Variants in CSMD1 observed in about 807,000 individuals in gnomAD.
CSMD1 encodes the protein CUB and Sushi multiple domains 1, also known as CUB and sushi domain-containing protein 1.
In CSMD1, 213 loss-of-function variants were observed where a neutral mutation model predicts 417.5. The ratio of observed to expected loss-of-function variants is 0.51; its 90% CI spans 0.46 to 0.57. CSMD1 has a LOEUF of 0.57. Ranked by LOEUF, CSMD1 falls within the 20% of genes least tolerant of loss-of-function variation. CSMD1 has a pLI of 0.00. For missense variants in CSMD1, 6,923 were observed against 4,529.7 expected (o/e 1.53, Z -15.17); for synonymous variants, 2,862 against 1,736.8 (o/e 1.65, Z -16.11).
At chr8:3,451,232 T>C (rs1302277443) in intron 12 of CSMD1, among the ~76,000 whole-genome samples, 1 of 152,228 alleles carries the variant, frequency 6.6e-6, no homozygotes, top group Non-Finnish European at 1.5e-5. Flanking sequence ...GTCAGATGAG[T>C]ACATTGCAAA....
chr8:4,940,431 T>C (rs1290768570), intron 1 of CSMD1, among the ~76,000 whole-genome samples: 1 of 152,238 alleles, frequency 6.6e-6, no homozygotes, highest in Non-Finnish European at 1.5e-5. Context: ...ATATGTACTT[T>C]GATTCTCTTT....
In CSMD1 at chr8:4,479,975, A is replaced by AT. The variant is rs200922886; in HGVS notation, c.303-59911_303-59910insA. 4.1e-3 allele frequency among the ~76,000 whole-genome samples: 625 copies of AT among 151,312 alleles called. 4 individuals carry two copies. Among genetic ancestry groups the AT allele is most frequent in the African/African-American group, 0.014 (588 of 41,114 alleles). On this transcript the variant is annotated intron_variant, in intron 2 of 69. Transcript: ENST00000635120. Reference sequence around the variant, plus strand: ...AGCAAGTCTCTGTCTCAAAAAAAAAAAAAAATAAAAAGTCAACAAAAAAAA... The same window carrying AT: ...AGCAAGTCTCTGTCTCAAAAAAAAAATAAAAATAAAAAGTCAACAAAAAAAA...
chr8:2,961,258 T>C (rs1803455250), intron 61 of CSMD1, 44 bp from the exon 62 acceptor site: 1 of 1,266,498 alleles, frequency 7.9e-7, no homozygotes, highest in African/African-American at 1.5e-5. Flanking sequence ...CCAGATATAG[T>C]TATTGTGAGA....
Position 4,544,610 on chromosome 8 carries a change from C to G in CSMD1, c.302+92732G>C, listed in dbSNP as rs535680804. Among the ~76,000 whole-genome samples the G allele has an allele frequency of 4.6e-5, 7 of 152,248 alleles. No homozygotes were observed. The East Asian group carries it at 1.4e-3, about 29-fold the overall frequency. ...CTTAAAAATATACACAAATCTTCAACTATAAATAAAATAATACAATTTAAC... is the reference window on the plus strand; with the variant it reads ...CTTAAAAATATACACAAATCTTCAAGTATAAATAAAATAATACAATTTAAC... On this transcript the variant is annotated intron_variant, in intron 2 of 69. Transcript: ENST00000635120.
intron 3 of CSMD1, among the ~76,000 whole-genome samples, chr8:4,174,298 A>C (rs2656284): frequency 0.88 from 134,194 of 152,196 alleles, 59,380 homozygotes; most frequent in South Asian, 0.95. Flanking sequence ...ATCATTTTTA[A>C]AGGTCATCCA....
intron 5 of CSMD1, among the ~76,000 whole-genome samples, chr8:3,959,486 G>A (rs1812178878): frequency 6.6e-6 from 1 of 152,180 alleles, no homozygotes; most frequent in South Asian, 2.1e-4. Flanking sequence ...ATGACTGAGC[G>A]AGACTCCGTC....
intron 5 of CSMD1, among the ~76,000 whole-genome samples, chr8:3,926,940 T>C (rs933233437): frequency 5.3e-5 from 8 of 151,852 alleles, no homozygotes; most frequent in African/African-American, 1.9e-4. Flanking sequence ...GGTCTCAAAC[T>C]CCTGACATCG....
At chr8:3,335,080 A>T (rs943457697) in intron 23 of CSMD1, among the ~76,000 whole-genome samples, 1 of 152,208 alleles carries the variant, frequency 6.6e-6, no homozygotes, top group African/African-American at 2.4e-5. Context: ...GCTATGACTC[A>T]TGAAACCGAG....
chr8:3,339,478 G>A (rs1036694020), intron 23 of CSMD1, among the ~76,000 whole-genome samples: 2 of 152,114 alleles, frequency 1.3e-5, no homozygotes, highest in East Asian at 1.9e-4. Flanking sequence ...TGGTTCCATC[G>A]GTGTACCCAA....
chr8:3,622,890 A>G (rs1796325580), intron 7 of CSMD1, among the ~76,000 whole-genome samples: 1 of 152,190 alleles, frequency 6.6e-6, no homozygotes, highest in Non-Finnish European at 1.5e-5. Flanking sequence ...AATCCTTAGT[A>G]CCTCAGAGAA....
intron 3 of CSMD1, among the ~76,000 whole-genome samples, chr8:4,398,060 A>G (rs1804378387): frequency 6.6e-6 from 1 of 152,226 alleles, no homozygotes; most frequent in African/African-American, 2.4e-5. Context: ...GAAATATCAA[A>G]TAGCTAGTAT....
chr8:3,667,387 G>T lies in CSMD1; in HGVS notation c.1009+41027C>A, dbSNP rs955648091. 8.5e-5 allele frequency among the ~76,000 whole-genome samples: 13 copies of T among 152,244 alleles called. No homozygotes were observed. In the East Asian group the frequency reaches 2.5e-3, roughly 29 times the overall value. On this transcript the variant is annotated intron_variant, in intron 7 of 69. Coordinates refer to ENST00000635120, the MANE Select transcript of CSMD1 (RefSeq NM_033225.6). The stretch of plus-strand genomic sequence containing the variant: ...ATGACATTTGAGAAAGGTCTCGGAG[G>T]AGTGAAAATTGAGGTGTGTGGAGAT...
chr8:4,569,517 A>T (rs1281430377), intron 2 of CSMD1, among the ~76,000 whole-genome samples: 2 of 152,138 alleles, frequency 1.3e-5, no homozygotes, highest in Admixed American at 6.6e-5. Flanking sequence ...CTGTTTTGGT[A>T]CCAGTACCAT....
chr8:3,066,723 T>C (rs1812960698), intron 49 of CSMD1, among the ~76,000 whole-genome samples: 1 of 152,164 alleles, frequency 6.6e-6, no homozygotes, highest in Non-Finnish European at 1.5e-5. Context: ...TAAGGGAGAT[T>C]ACCAATTCTG....
intron 26 of CSMD1, 133 bp from the exon 27 acceptor site, chr8:3,230,364 G>C (rs184693243): frequency 2.2e-5 from 12 of 557,404 alleles, no homozygotes; most frequent in Admixed American, 7.8e-5. Flanking sequence ...ATGAACATAC[G>C]AAAATAGTTT....
intron 1 of CSMD1, among the ~76,000 whole-genome samples, chr8:4,943,593 A>G (rs1420473642): frequency 6.6e-6 from 1 of 152,164 alleles, no homozygotes; most frequent in African/African-American, 2.4e-5. Context: ...TAAACAATTA[A>G]AAAATATATC....
chr8:3,467,901 G>C (rs62473732), intron 12 of CSMD1, among the ~76,000 whole-genome samples: 1 of 152,126 alleles, frequency 6.6e-6, no homozygotes, highest in Admixed American at 6.5e-5. Context: ...AGAACATACT[G>C]CCTATTTACT....
At chr8:3,852,931 TC>T (rs1804016622) in intron 5 of CSMD1, among the ~76,000 whole-genome samples, 1 of 152,172 alleles carries the variant, frequency 6.6e-6, no homozygotes, top group Admixed American at 6.5e-5. Context: ...CCCACCTTCC[TC>T]ACTAAATATT....
At chr8:3,486,279 T>TA (rs397779339) in intron 11 of CSMD1, among the ~76,000 whole-genome samples, 1 of 151,994 alleles carries the variant, frequency 6.6e-6, no homozygotes, top group Non-Finnish European at 1.5e-5. Flanking sequence ...AACTATTTTT[T>TA]ATCTACCATT....
Sources: gnomAD v4.1 joint callset for allele counts (sites outside exome capture counted in the v4.1 genomes callset) on GRCh38, gnomAD v4.1.1 for gene constraint, MANE v1.5 for transcripts, NCBI Gene and HGNC (gene_info 2026-07-23, HGNC 2026-07-21) for gene names.